Variants in TTC12 observed in about 807,000 individuals in gnomAD.
The protein encoded by TTC12 is tetratricopeptide repeat protein 12.
In TTC12, 70 loss-of-function variants were observed where a neutral mutation model predicts 90.1. That is an observed-to-expected ratio of 0.78 (90% CI 0.64 to 0.95). TTC12 has a LOEUF of 0.95. TTC12 is among the 40% of genes least tolerant of loss of function. The pLI is 0.00. For missense variants in TTC12, 819 were observed against 846.1 expected, an observed-to-expected ratio of 0.97 and a Z score of 0.40; for synonymous variants, 296 against 311.5, an observed-to-expected ratio of 0.95 and a Z score of 0.53.
intron 18 of TTC12, among the ~76,000 whole-genome samples, chr11:113,361,522 C>T (rs782128620): frequency 6.6e-6 from 1 of 152,132 alleles, no homozygotes; most frequent in African/African-American, 2.4e-5. Context: ...TCAAAACTCC[C>T]GATACAACAG....
chr11:113,341,922 A>C lies in TTC12; in HGVS notation c.982A>C (p.Asn328His). Residue 328 changes from asparagine to histidine, a missense_variant, in exon 12 of 22, where the codon AAC becomes CAC. Coordinates refer to ENST00000529221, the MANE Select transcript of TTC12 (RefSeq NM_017868.4). ...GCTCTGGCAAGCAGTGTGCAGCAGG[A>C]ACGGTAAGCCTGGGTAATCACCGTT... ...LKLWQAVCSR[N>H]EENQRVLVIH... 6.2e-7 allele frequency: 1 copy of C among 1,613,820 alleles called. No individual in the cohort carries two copies. The highest frequency in any genetic ancestry group is 8.5e-7 in the Non-Finnish European group (1 of 1,179,674).
In TTC12 at chr11:113,324,605, AG is replaced by A; in HGVS notation, c.247del (p.Ala83ProfsTer27). On this transcript the variant is annotated frameshift_variant and splice_region_variant, in exon 5 of 22. Transcript: ENST00000529221. LOFTEE classifies it high-confidence loss of function. ...AMKSAEEINS[E>X]AFLASVEKDA... ...ATATCTGAAATTACCCTGCTGTCAG[AG>A]GCCTTCTTGGCATCTGTGGAGAAGG... 12 of 1,613,226 alleles carry A rather than the reference AG, an allele frequency of 7.4e-6. No individual in the cohort carries two copies. The highest frequency in any genetic ancestry group is 1.0e-5 in the Non-Finnish European group (12 of 1,179,604).
intron 19 of TTC12, among the ~76,000 whole-genome samples, chr11:113,363,281 A>G (rs1357632465): frequency 6.6e-6 from 1 of 152,212 alleles, no homozygotes; most frequent in Non-Finnish European, 1.5e-5. Context: ...CAAACCCACC[A>G]AAAGCTCCTG....
At chr11:113,322,481 A>G (rs1307363395) in intron 2 of TTC12, among the ~76,000 whole-genome samples, 3 of 152,190 alleles carry the variant, frequency 2.0e-5, no homozygotes, top group Admixed American at 6.5e-5. Flanking sequence ...AATAGCAGGA[A>G]GTCGATGGCA....
At position 113,364,414 on chromosome 11, in the gene TTC12, A is replaced by G. The variant is rs145449816; in HGVS notation, c.1817-421A>G. The G allele has an allele frequency of 3.4e-3, 825 of 241,084 alleles. 6 individuals are homozygous for G. Among genetic ancestry groups the G allele is most frequent in the South Asian group, 0.011 (174 of 15,362 alleles). The allele number at this position is 241,084 out of a possible 1,614,324, so 14.9% of individuals were successfully genotyped here. On this transcript the variant is annotated intron_variant, in intron 20 of 21. Transcript: ENST00000529221. ...AAGGTGAACTGAAGGAGGCTCCACC[A>G]TGGAAGCGGCAAGCCTTTCTCCTGG...
At chr11:113,362,332 C>T (rs1357644605) in intron 18 of TTC12, 69 bp from the exon 19 acceptor site, 34 of 1,200,310 alleles carry the variant, frequency 2.8e-5, no homozygotes, top group South Asian at 7.7e-5. Flanking sequence ...CCAAACTCCC[C>T]GTTAGCTTTT....
chr11:113,368,202 C>G (rs1950275728), downstream of TTC12: 1 of 1,483,174 alleles, frequency 6.7e-7, no homozygotes, highest in Non-Finnish European at 9.0e-7. Flanking sequence ...CTGCCGAGAG[C>G]AGTCATCTCC....
In TTC12 at chr11:113,340,657, G is replaced by A; in HGVS notation, c.827-7G>A. ...GTCTGAAGTGGTTTTCTTTGTATCT[G>A]TTTCAGGCACAGAACAAACTTTATT... On this transcript the variant is annotated splice_region_variant and splice_polypyrimidine_tract_variant and intron_variant, in intron 10 of 21. Transcript: ENST00000529221. The A allele has an allele frequency of 6.2e-7, 1 of 1,613,530 alleles. No homozygotes were observed. The highest frequency in any genetic ancestry group is 8.5e-7 in the Non-Finnish European group (1 of 1,179,438).
chr11:113,318,367 A>G (rs1947085178), intron 2 of TTC12, among the ~76,000 whole-genome samples: 1 of 152,174 alleles, frequency 6.6e-6, no homozygotes, highest in South Asian at 2.1e-4. Flanking sequence ...GGAGTTTAGA[A>G]ATCTAAGACC....
intron 2 of TTC12, among the ~76,000 whole-genome samples, chr11:113,317,302 C>T (rs761433818): frequency 2.4e-4 from 37 of 152,136 alleles, no homozygotes; most frequent in Non-Finnish European, 5.3e-4. Flanking sequence ...CTCTTTCCCT[C>T]CCCTTTGCCC....
At chr11:113,329,600 C>G in intron 6 of TTC12, 1 of 492,422 alleles carries the variant, frequency 2.0e-6, no homozygotes, top group South Asian at 1.5e-5. Flanking sequence ...TGTCCTCCCA[C>G]ATTTTGTTCA....
downstream of TTC12, chr11:113,368,617 A>G: frequency 1.0e-6 from 1 of 955,468 alleles, no homozygotes; most frequent in Non-Finnish European, 1.6e-6. Flanking sequence ...TTCATACATG[A>G]CGTGAGGACG....
At chr11:113,336,875 T>A (rs1948398280) in intron 8 of TTC12, among the ~76,000 whole-genome samples, 1 of 152,206 alleles carries the variant, frequency 6.6e-6, no homozygotes, top group African/African-American at 2.4e-5. Flanking sequence ...TCGTGTCGAT[T>A]TTTGCAAAGA....
chr11:113,340,070 T>C (rs1057125487), intron 10 of TTC12, among the ~76,000 whole-genome samples: 1 of 152,214 alleles, frequency 6.6e-6, no homozygotes, highest in African/African-American at 2.4e-5. Context: ...GAAAATGGTT[T>C]CAGAGCAAAC....
intron 2 of TTC12, among the ~76,000 whole-genome samples, chr11:113,322,105 ATATT>A (rs1555138779): frequency 1.3e-5 from 2 of 152,246 alleles, no homozygotes; most frequent in Admixed American, 6.5e-5. Context: ...AGAAACAAAA[ATATT>A]ATATTACTTT....
At chr11:113,368,421 C>T, downstream of TTC12, 1 of 1,550,222 alleles carries the variant, frequency 6.5e-7, no homozygotes. Flanking sequence ...TCTCCACTTG[C>T]CAGGAGCCCC....
Position 113,366,251 on chromosome 11 carries a change from A to T in TTC12, c.2069A>T (p.His690Leu). Reference protein sequence around the residue: ...PRFAAQLRKLHGLEILNSTMK... With the variant: ...PRFAAQLRKLLGLEILNSTMK... ...TTTGCTGCTCAACTGAGAAAGCTTC[A>T]TGGCCTAGAAATTCTCAACTCTACG... Residue 690 changes from histidine to leucine, a missense_variant, in exon 22 of 22, where the codon CAT (histidine) becomes CTT (leucine). Transcript: ENST00000529221. 1 of 1,613,742 alleles carries T rather than the reference A, an allele frequency of 6.2e-7. No homozygotes were observed. The highest frequency in any genetic ancestry group is 8.5e-7 in the Non-Finnish European group (1 of 1,180,040).
rs118057268 is a variant in TTC12 at position 113,351,685 on chromosome 11, G to A, written c.1309-385G>A. ...GATAAGGCAGTGAATAGTGTGGGGG[G>A]CAGGGCTTCTCCTTGGAGAGTGTGT... On this transcript the variant is annotated intron_variant, in intron 15 of 21. Transcript: ENST00000529221. 1.0e-3 allele frequency among the ~76,000 whole-genome samples: 159 copies of A among 152,330 alleles called. 4 individuals carry two copies. The East Asian group carries it at 0.028, about 26-fold the overall frequency.
At position 113,365,136 on chromosome 11, in the gene TTC12, G is replaced by A. The variant is rs1950140854; in HGVS notation, c.2042+76G>A. On this transcript the variant is annotated intron_variant, in intron 21 of 21. Transcript: ENST00000529221. Reference sequence around the variant, plus strand: ...AGCTGAGGTGCTGAGTTTTGGCTGGGACTGCATGCCACACAGAACAGTGTG... The same window carrying A: ...AGCTGAGGTGCTGAGTTTTGGCTGGAACTGCATGCCACACAGAACAGTGTG... The A allele has an allele frequency of 8.2e-6, 11 of 1,341,884 alleles. No individual in the cohort carries two copies. In the South Asian group the frequency reaches 1.1e-4, roughly 13 times the overall value. 83.1% of individuals were successfully genotyped at this position (1,341,884 alleles called of 1,614,324 possible).
Sources: gnomAD v4.1 joint callset for allele counts (sites outside exome capture counted in the v4.1 genomes callset) on GRCh38, gnomAD v4.1.1 for gene constraint, MANE v1.5 for transcripts, NCBI Gene and HGNC (gene_info 2026-07-23, HGNC 2026-07-21) for gene names.